Variants in SH3TC2 observed in about 807,000 individuals in gnomAD.
SH3TC2 encodes SH3 domain and tetratricopeptide repeat-containing protein 2.
Under a neutral mutation model 124.5 loss-of-function variants are expected in SH3TC2, and 87 were observed. The ratio of observed to expected loss-of-function variants is 0.70; its 90% CI spans 0.59 to 0.84. SH3TC2 has a LOEUF of 0.84. Ranked by LOEUF, SH3TC2 falls within the 40% of genes least tolerant of loss-of-function variation. The probability of loss-of-function intolerance (pLI) is 0.00; values close to 1 mark genes in which losing one functional copy is unlikely to be tolerated. For missense variants in SH3TC2, 1,536 were observed against 1,566.4 expected (o/e 0.98, Z 0.33); for synonymous variants, 634 against 628.5 (o/e 1.01, Z -0.13).
chr5:149,032,633 A>G (rs973703023), intron 8 of SH3TC2, among the ~76,000 whole-genome samples: 2 of 152,256 alleles, frequency 1.3e-5, no homozygotes, highest in Non-Finnish European at 2.9e-5. Context: ...CAAGGCACGT[A>G]CTACTCTTAT....
chr5:149,014,916 C>T (rs73795742), intron 12 of SH3TC2, among the ~76,000 whole-genome samples: 2,143 of 152,318 alleles, frequency 0.014, 43 homozygotes, highest in African/African-American at 0.05. Flanking sequence ...ATCTCATCCT[C>T]ATCCTATTTC....
At chr5:149,013,597 A>G (rs555724609) in intron 12 of SH3TC2, among the ~76,000 whole-genome samples, 1 of 152,338 alleles carries the variant, frequency 6.6e-6, no homozygotes, top group South Asian at 2.1e-4. Flanking sequence ...TTTTGTTTAT[A>G]AAGAAAAATC....
At position 148,999,043 on chromosome 5, in the gene SH3TC2, A is replaced by G. The variant is rs1753554845; in HGVS notation, c.*5668T>C. Among the ~76,000 whole-genome samples, 1 of 152,216 alleles carries G rather than the reference A, an allele frequency of 6.6e-6. No homozygotes were observed. The highest frequency in any genetic ancestry group is 2.1e-4 in the South Asian group (1 of 4,834). ...CTGCTTCATTGTGACAGCTACCACCAATTGACATTCATACCAAGCCATCCA... is the reference window on the plus strand; with the variant it reads ...CTGCTTCATTGTGACAGCTACCACCGATTGACATTCATACCAAGCCATCCA... On this transcript the variant is annotated 3_prime_UTR_variant, in exon 17 of 17. Coordinates refer to ENST00000515425, the MANE Select transcript of SH3TC2 (RefSeq NM_024577.4).
At chr5:149,026,464 AG>A (rs1220741544) in intron 12 of SH3TC2, 107 bp downstream of exon 12, 10 of 1,380,612 alleles carry the variant, frequency 7.2e-6, no homozygotes, top group Non-Finnish European at 1.0e-5. Context: ...TTTTGCACAA[AG>A]CCCCGCCTAT....
rs1277089107 is a variant in SH3TC2 at position 148,997,190 on chromosome 5, A to G, written c.*7521T>C. ...TGCTACCACCATTGGAGCTACGGGT[A>G]CTATGATGGGTGAGACCCACGAAAC... On this transcript the variant is annotated 3_prime_UTR_variant, in exon 17 of 17. Coordinates refer to ENST00000515425, the MANE Select transcript of SH3TC2 (RefSeq NM_024577.4). 1.3e-5 allele frequency among the ~76,000 whole-genome samples: 2 copies of G among 152,210 alleles called. No individual in the cohort carries two copies. The highest frequency in any genetic ancestry group is 2.1e-4 in the South Asian group (1 of 4,832).
intron 12 of SH3TC2, among the ~76,000 whole-genome samples, chr5:149,021,034 G>A (rs573651894): frequency 1.3e-5 from 2 of 152,160 alleles, no homozygotes; most frequent in African/African-American, 4.8e-5. Flanking sequence ...CATATGTTGG[G>A]CCACCAAACA....
At chr5:149,021,135 T>C (rs975908602) in intron 12 of SH3TC2, among the ~76,000 whole-genome samples, 8 of 152,060 alleles carry the variant, frequency 5.3e-5, no homozygotes, top group African/African-American at 1.9e-4. Context: ...CAGAAGGAAA[T>C]TTGGAAAATT....
chr5:149,000,173 T>A lies in SH3TC2; in HGVS notation c.*4538A>T, dbSNP rs1753574681. Among the ~76,000 whole-genome samples the A allele has an allele frequency of 6.6e-6, 1 of 152,212 alleles. No individual in the cohort carries two copies. Among genetic ancestry groups the A allele is most frequent in the South Asian group, 2.1e-4 (1 of 4,828 alleles). On this transcript the variant is annotated 3_prime_UTR_variant, in exon 17 of 17. Transcript: ENST00000515425. ...GCTTCTGATACTGAATCATATTACA[T>A]AATATATCATTTGCCCCTTTCCTGT...
chr5:149,054,020 A>G (rs1240761145), intron 1 of SH3TC2, among the ~76,000 whole-genome samples: 1 of 152,214 alleles, frequency 6.6e-6, no homozygotes, highest in Non-Finnish European at 1.5e-5. Flanking sequence ...TTTATTGTAC[A>G]TTTAAAAATA....
intron 5 of SH3TC2, among the ~76,000 whole-genome samples, chr5:149,042,449 G>C (rs570778956): frequency 2.0e-5 from 3 of 152,122 alleles, no homozygotes; most frequent in Non-Finnish European, 4.4e-5. Context: ...CCCTGGCTTG[G>C]GTATCTTAGT....
intron 8 of SH3TC2, among the ~76,000 whole-genome samples, chr5:149,032,763 G>A (rs1020279595): frequency 6.6e-6 from 1 of 152,068 alleles, no homozygotes; most frequent in African/African-American, 2.4e-5. Context: ...ATGGGATGGG[G>A]GTACTGTAAT....
chr5:149,028,586 G>A (rs2127397735), intron 10 of SH3TC2, 32 bp from the exon 11 acceptor site: 6 of 1,614,136 alleles, frequency 3.7e-6, no homozygotes, highest in Non-Finnish European at 4.2e-6. Flanking sequence ...AGCAACCTTG[G>A]GCACCTGCAC....
At chr5:149,013,305 T>C (rs535734792) in intron 12 of SH3TC2, among the ~76,000 whole-genome samples, 2 of 152,168 alleles carry the variant, frequency 1.3e-5, no homozygotes, top group East Asian at 3.9e-4. Context: ...TGAGATCTGA[T>C]GGTTGTATCA....
intron 8 of SH3TC2, among the ~76,000 whole-genome samples, chr5:149,037,398 G>GA (rs34789310): frequency 2.6e-5 from 4 of 151,764 alleles, no homozygotes; most frequent in East Asian, 1.9e-4. Flanking sequence ...TTTCTACATA[G>GA]AAAAAAAATA....
At chr5:149,020,947 A>T (rs553225537) in intron 12 of SH3TC2, among the ~76,000 whole-genome samples, 1 of 152,168 alleles carries the variant, frequency 6.6e-6, no homozygotes, top group Non-Finnish European at 1.5e-5. Context: ...GACCTAAAAG[A>T]TATTTATAGA....
chr5:149,056,042 A>G (rs958957014), intron 1 of SH3TC2, among the ~76,000 whole-genome samples: 2 of 152,238 alleles, frequency 1.3e-5, no homozygotes, highest in African/African-American at 4.8e-5. Flanking sequence ...GATTTCATGC[A>G]CAATTCTATA....
chr5:149,007,371 G>A, intron 15 of SH3TC2: 1 of 589,386 alleles, frequency 1.7e-6, no homozygotes, highest in Non-Finnish European at 3.0e-6. Context: ...AGGTTTCCTG[G>A]AGTGATTCCC....
rs1053756318 is a variant in SH3TC2, at chr5:149,001,318, A to G, written c.*3393T>C. ...GGAACTAGTATACCTGAAAGCTGAG[A>G]AAACATGTTACAGGGTTTTCCACAA... On this transcript the variant is annotated 3_prime_UTR_variant, in exon 17 of 17. Coordinates refer to ENST00000515425, the MANE Select transcript of SH3TC2 (RefSeq NM_024577.4). The G allele has an allele frequency of 8.5e-5, 13 of 152,234 alleles. No individual in the cohort carries two copies. Among genetic ancestry groups the G allele is most frequent in the Admixed American group, 3.9e-4 (6 of 15,282 alleles). The allele number at this position is 152,234 out of a possible 1,614,324, so 9.4% of individuals were successfully genotyped here. A position where few individuals can be genotyped will look rare whatever the true frequency, so the allele number is the denominator to read the frequency against.
rs773992864 is a variant in SH3TC2, at chr5:149,027,945, C to A, written c.1787G>T (p.Gly596Val). Residue 596 changes from glycine (G) to valine (V), a missense_variant, in exon 11 of 17, where the codon GGT becomes GTT. Gly to Val is a moderately radical substitution (Grantham distance 109). Around this residue, in one of 3 missense-constraint regions of SH3TC2, gnomAD observed 1,102 missense variants for 1,098.6 expected, o/e 1.00. Transcript: ENST00000515425. ...HKGSALLEKA[G>V]ALLACLPDRE... Reference sequence around the variant, plus strand: ...GTCAGGCAGGCAGGCCAGCAGGGCACCTGCCTTTTCCAACAGGGCGGAGCC... The same window carrying A: ...GTCAGGCAGGCAGGCCAGCAGGGCAACTGCCTTTTCCAACAGGGCGGAGCC... The A allele has an allele frequency of 3.1e-6, 5 of 1,614,146 alleles. No homozygotes were observed. The highest frequency in any genetic ancestry group is 4.2e-6 in the Non-Finnish European group (5 of 1,180,044).
Sources: allele counts gnomAD v4.1 joint callset (sites outside exome capture counted in the v4.1 genomes callset), GRCh38; gene constraint gnomAD v4.1.1; regional missense constraint gnomAD v4.1.1; transcripts MANE v1.5; gene names NCBI Gene and HGNC (gene_info 2026-07-23, HGNC 2026-07-21).